GALNT13: variants seen among roughly 807,000 people sequenced by gnomAD.
GALNT13 encodes the protein UDP-GalNAc:polypeptide N-acetylgalactosaminyltransferase 13.
In GALNT13, 28 loss-of-function variants were observed where a neutral mutation model predicts 64.2. The observed-to-expected ratio is 0.44, with a 90% CI of 0.32 to 0.60. The LOEUF (loss-of-function observed/expected upper bound fraction) is 0.60, where lower values mean the gene tolerates loss of function less well. Among genes scored for constraint, GALNT13 ranks in the 20% least tolerant of loss-of-function variants. The pLI is 0.05. For missense variants in GALNT13, 577 were observed against 669.8 expected (o/e 0.86, Z 1.53); for synonymous variants, 214 against 224.6 (o/e 0.95, Z 0.42).
rs371932039 is a variant in GALNT13 at position 154,084,266 on chromosome 2, C to G, written c.143-56071C>G. ...TTCTGGCCATTCTCTCTATAGTTTTCTAATTATAAATTAATGATGGGAAAT... is the reference window on the plus strand; with the variant it reads ...TTCTGGCCATTCTCTCTATAGTTTTGTAATTATAAATTAATGATGGGAAAT... On this transcript the variant is annotated intron_variant, in intron 3 of 12. Coordinates refer to ENST00000392825, the MANE Select transcript of GALNT13 (RefSeq NM_052917.4). 2.9e-4 allele frequency among the ~76,000 whole-genome samples: 44 copies of G among 151,830 alleles called. No homozygotes were observed. In the East Asian group the frequency reaches 2.9e-3, roughly 10 times the overall value.
At chr2:153,245,226 G>C in the GALNT13 span, among the ~76,000 whole-genome samples, 1 of 152,240 alleles carries the variant, frequency 6.6e-6, no homozygotes, top group African/African-American at 2.4e-5. Flanking sequence ...TTGCCTGGTA[G>C]CTCTGAAGAG....
At chr2:153,990,851 CTGT>C (rs1695113460) in intron 3 of GALNT13, among the ~76,000 whole-genome samples, 1 of 152,170 alleles carries the variant, frequency 6.6e-6, no homozygotes, top group Non-Finnish European at 1.5e-5. Context: ...ATGGTGATAG[CTGT>C]TGTTTCAACA....
chr2:153,979,353 C>T (rs1393527179), intron 3 of GALNT13, among the ~76,000 whole-genome samples: 8 of 152,102 alleles, frequency 5.3e-5, no homozygotes, highest in Non-Finnish European at 8.8e-5. Context: ...GCAATAAAGG[C>T]TTCCTTGCTT....
the GALNT13 span, among the ~76,000 whole-genome samples, chr2:153,595,359 ATGTT>A: frequency 1.3e-5 from 2 of 151,942 alleles, no homozygotes; most frequent in African/African-American, 4.8e-5. Flanking sequence ...CCAAATTTAA[ATGTT>A]TGTTTATAAC....
chr2:154,085,461 G>A (rs1368864721), intron 3 of GALNT13, among the ~76,000 whole-genome samples: 2 of 151,950 alleles, frequency 1.3e-5, no homozygotes, highest in Non-Finnish European at 2.9e-5. Flanking sequence ...AAAACACAGA[G>A]AAGCTTCATT....
the GALNT13 span, among the ~76,000 whole-genome samples, chr2:153,793,654 TAA>T: frequency 0.12 from 17,787 of 146,994 alleles, 1,409 homozygotes; most frequent in Admixed American, 0.26. Context: ...TATTTTGCTT[TAA>T]AAAAAAAAAA....
the GALNT13 span, among the ~76,000 whole-genome samples, chr2:153,094,475 G>C: frequency 9.4e-5 from 14 of 148,922 alleles, no homozygotes; most frequent in Non-Finnish European, 1.2e-4. Context: ...AGGTAATTTA[G>C]AGATTCAATG....
intron 4 of GALNT13, among the ~76,000 whole-genome samples, chr2:154,163,605 C>T (rs368587904): frequency 5.3e-5 from 8 of 152,078 alleles, no homozygotes; most frequent in African/African-American, 1.7e-4. Context: ...CCTACAGTAG[C>T]GAGGATGGCT....
At chr2:154,403,821 G>A (rs978974450) in intron 10 of GALNT13, among the ~76,000 whole-genome samples, 9 of 152,064 alleles carry the variant, frequency 5.9e-5, no homozygotes, top group African/African-American at 1.9e-4. Flanking sequence ...CCAGGCCTCC[G>A]TTCTAACAAA....
chr2:153,627,690 G>A, the GALNT13 span, among the ~76,000 whole-genome samples: 1 of 152,074 alleles, frequency 6.6e-6, no homozygotes, highest in Non-Finnish European at 1.5e-5. Flanking sequence ...CCATTGTGCA[G>A]CCATGTTTGA....
intron 9 of GALNT13, among the ~76,000 whole-genome samples, chr2:154,386,819 C>G (rs1270260693): frequency 6.6e-6 from 1 of 151,990 alleles, no homozygotes; most frequent in East Asian, 1.9e-4. Context: ...TTGGACCAAG[C>G]ATTTGAATAT....
chr2:153,263,105 G>A, the GALNT13 span, among the ~76,000 whole-genome samples: 77 of 151,684 alleles, frequency 5.1e-4, no homozygotes, highest in Admixed American at 1.3e-3. Context: ...AAGTCTCAGG[G>A]TACAAAATCA....
chr2:153,803,691 C>CAAAAAAAAAA, the GALNT13 span, among the ~76,000 whole-genome samples: 1 of 105,112 alleles, frequency 9.5e-6, no homozygotes, highest in Non-Finnish European at 1.8e-5. Flanking sequence ...GACTCTGTCT[C>CAAAAAAAAAA]AAAAAAAAAA....
chr2:153,150,554 G>A, the GALNT13 span, among the ~76,000 whole-genome samples: 4 of 152,020 alleles, frequency 2.6e-5, no homozygotes, highest in Non-Finnish European at 4.4e-5. Flanking sequence ...GCCCATGCCT[G>A]TGTCCTGAAT....
At chr2:154,100,723 A>G (rs565094880) in intron 3 of GALNT13, among the ~76,000 whole-genome samples, 3 of 152,086 alleles carry the variant, frequency 2.0e-5, no homozygotes, top group South Asian at 2.1e-4. Flanking sequence ...TGCTCTGGTT[A>G]GGAATTCCAG....
chr2:153,976,253 A>G (rs530291712), intron 3 of GALNT13, among the ~76,000 whole-genome samples: 1 of 151,090 alleles, frequency 6.6e-6, no homozygotes, highest in African/African-American at 2.5e-5. Context: ...TGGGTACTCA[A>G]TAATCAATCA....
chr2:154,153,313 C>A (rs1684176259), intron 4 of GALNT13, among the ~76,000 whole-genome samples: 3 of 152,100 alleles, frequency 2.0e-5, no homozygotes, highest in African/African-American at 7.2e-5. Flanking sequence ...GAGTACCTGG[C>A]CATGTGAGGT....
chr2:154,312,993 G>A (rs1228031995), intron 9 of GALNT13, among the ~76,000 whole-genome samples: 2 of 151,886 alleles, frequency 1.3e-5, no homozygotes, highest in Non-Finnish European at 2.9e-5. Context: ...GAACTAATAA[G>A]CAGACGGTAT....
the GALNT13 span, among the ~76,000 whole-genome samples, chr2:153,463,452 T>G: frequency 2.6e-5 from 4 of 152,030 alleles, no homozygotes; most frequent in Admixed American, 6.6e-5. Context: ...CAGAAATATA[T>G]AGTTGACTAA....
Sources: allele counts gnomAD v4.1 joint callset (sites outside exome capture counted in the v4.1 genomes callset), GRCh38; gene constraint gnomAD v4.1.1; transcripts MANE v1.5; gene names NCBI Gene and HGNC (gene_info 2026-07-23, HGNC 2026-07-21).